UNKL: variants seen among roughly 807,000 people sequenced by gnomAD.
The protein encoded by UNKL is unk like zinc finger, also known as putative E3 ubiquitin-protein ligase UNKL.
A neutral mutation model predicts 78.0 loss-of-function variants in UNKL; 60 were observed. The ratio of observed to expected loss-of-function variants is 0.77; its 90% CI spans 0.63 to 0.95. UNKL has a LOEUF of 0.95. Ranked by LOEUF, UNKL falls within the 40% of genes least tolerant of loss-of-function variation. The pLI, the probability that UNKL is intolerant of heterozygous loss-of-function variation, is 0.00. For missense variants in UNKL, 1,159 were observed against 1,045.7 expected (o/e 1.11, Z -1.49); for synonymous variants, 608 against 474.8 (o/e 1.28, Z -3.65).
intron 2 of UNKL, among the ~76,000 whole-genome samples, chr16:1,408,137 G>C (rs370061682): frequency 4.0e-4 from 61 of 152,328 alleles, no homozygotes; most frequent in African/African-American, 1.4e-3. Context: ...GGACCCTGGA[G>C]AGGCCCGGGG....
chr16:1,376,678 G>C (rs981540029), intron 10 of UNKL, among the ~76,000 whole-genome samples: 1 of 140,808 alleles, frequency 7.1e-6, no homozygotes, highest in Admixed American at 7.5e-5. Flanking sequence ...AGCACCCTGC[G>C]ATCTGTAGCA....
intron 9 of UNKL, among the ~76,000 whole-genome samples, chr16:1,386,052 G>T (rs745855354): frequency 6.6e-6 from 1 of 152,218 alleles, no homozygotes; most frequent in East Asian, 1.9e-4. Context: ...GAAAACACCC[G>T]ACACAAAAGA....
In UNKL at chr16:1,399,546, C is replaced by A; in HGVS notation, c.599-37G>T. The A allele has an allele frequency of 6.4e-7, 1 of 1,567,432 alleles. No homozygotes were observed. Among genetic ancestry groups the A allele is most frequent in the Non-Finnish European group, 8.6e-7 (1 of 1,158,904 alleles). On this transcript the variant is annotated intron_variant, in intron 4 of 14. Coordinates refer to ENST00000389221, the MANE Select transcript of UNKL (RefSeq NM_001372107.1). This position sits in a 1 kb window ranked among gnomAD's most constrained non-coding sequence, Gnocchi z 5.8. ...GCCACACGGTGCCTGAGCAGCGCGA[C>A]TGGAAGCAATGCTGGGCAGAGGAGA...
rs2035420976 is a variant in UNKL, at chr16:1,367,722, C to T, written c.1722G>A (p.Arg574=). The T allele has an allele frequency of 6.3e-7, 1 of 1,580,484 alleles. No individual in the cohort carries two copies. ...SPNGAELARV[R]RQLDEAKRKI... is the part of the protein sequence containing the mutation. ...TCCTCTTGGCCTCGTCCAGCTGCCG[C>T]CTGACCCGGGCCAGCTCAGCTCCGT... Residue 574 remains arginine (R), a synonymous_variant, in exon 13 of 15, where the codon AGG becomes AGA. Coordinates refer to ENST00000389221, the MANE Select transcript of UNKL (RefSeq NM_001372107.1).
At chr16:1,380,486 G>A (rs1015462400) in intron 10 of UNKL, among the ~76,000 whole-genome samples, 2 of 152,156 alleles carry the variant, frequency 1.3e-5, no homozygotes, top group African/African-American at 2.4e-5. Context: ...TGTGGCTAGT[G>A]CAGGGATGTA....
intron 10 of UNKL, among the ~76,000 whole-genome samples, chr16:1,372,208 G>A (rs976830982): frequency 6.6e-6 from 1 of 152,108 alleles, no homozygotes; most frequent in Non-Finnish European, 1.5e-5. Context: ...AGCTTGCAGT[G>A]AGCCGAGATC....
At chr16:1,367,631 C>T in intron 13 of UNKL, 25 bp downstream of exon 13, 1 of 1,545,636 alleles carries the variant, frequency 6.5e-7, no homozygotes. Flanking sequence ...TCCCCCTCAC[C>T]TGTCTGGCCC....
chr16:1,396,781 A>G (rs2103664), intron 6 of UNKL, among the ~76,000 whole-genome samples: 136,918 of 151,934 alleles, frequency 0.9, 61,736 homozygotes, highest in East Asian at 1. Flanking sequence ...TTTTAGTAGA[A>G]ACGGGGTTTT....
chr16:1,414,357 G>A (rs1406689165), intron 1 of UNKL, among the ~76,000 whole-genome samples: 1 of 152,122 alleles, frequency 6.6e-6, no homozygotes, highest in Non-Finnish European at 1.5e-5. Flanking sequence ...CCGAGCCCAG[G>A]CGCAACCCCC....
intron 6 of UNKL, chr16:1,395,551 C>A (rs975339237): frequency 2.5e-6 from 1 of 395,954 alleles, no homozygotes; most frequent in African/African-American, 2.1e-5. Context: ...CCGTCCATAC[C>A]CTGCACCTTC....
At chr16:1,393,033 G>A (rs2037112296) in intron 7 of UNKL, 57 bp from the exon 8 acceptor site, 14 of 1,511,794 alleles carry the variant, frequency 9.3e-6, no homozygotes, top group Non-Finnish European at 1.3e-5. Context: ...ACAGTGACAC[G>A]CAGAAGTCTC....
intron 4 of UNKL, among the ~76,000 whole-genome samples, chr16:1,400,007 A>G (rs536954897): frequency 6.6e-6 from 1 of 152,306 alleles, no homozygotes; most frequent in Non-Finnish European, 1.5e-5. Context: ...CGTACCTCGC[A>G]GTGCAGGAGG....
intron 9 of UNKL, among the ~76,000 whole-genome samples, chr16:1,389,023 G>A (rs770350179): frequency 2.0e-5 from 3 of 152,182 alleles, no homozygotes; most frequent in Admixed American, 6.5e-5. Flanking sequence ...TCTTCCAGCC[G>A]GAAGCTCTGA....
intron 10 of UNKL, 80 bp from the exon 11 acceptor site, chr16:1,371,691 C>T: frequency 7.0e-7 from 1 of 1,421,622 alleles, no homozygotes; most frequent in Non-Finnish European, 9.5e-7. Context: ...GGACGACCGT[C>T]CCACCTGGGC....
Position 1,397,268 on chromosome 16 carries a change from G to T in UNKL, c.762C>A (p.His254Gln). 1 of 813,984 alleles carries T rather than the reference G, an allele frequency of 1.2e-6. No homozygotes were observed. The highest frequency in any genetic ancestry group is 1.7e-6 in the Non-Finnish European group (1 of 605,428). 50.4% of individuals were successfully genotyped at this position (813,984 alleles called of 1,614,324 possible). ...GTGAGGGTTCCCCCCACTCATCCCC[G>T]TGCTTCACACTGGGGCAGGGCGTGG... ...YRSTPCPSVK[H>Q]GDEWGEPSRC... Residue 254 changes from histidine to glutamine, a missense_variant, in exon 6 of 15, where the codon CAC becomes CAA. Physicochemically the swap from His to Gln is conservative, Grantham distance 24 (BLOSUM62 0). Coordinates refer to ENST00000389221, the MANE Select transcript of UNKL (RefSeq NM_001372107.1).
At position 1,370,331 on chromosome 16, in the gene UNKL, G is replaced by T. The variant is rs1022544266; in HGVS notation, c.1384C>A (p.Pro462Thr). 2 of 1,532,874 alleles carry T rather than the reference G, an allele frequency of 1.3e-6. No homozygotes were observed. The highest frequency in any genetic ancestry group is 2.7e-5 in the African/African-American group (2 of 72,918). The allele number at this position is 1,532,874 out of a possible 1,614,324, so 95.0% of individuals were successfully genotyped here. A position where few individuals can be genotyped will look rare whatever the true frequency, so the allele number is the denominator to read the frequency against. ...GGCAGGGAGCCGGGGATGGCGACAG[G>T]TGCAGAGCCGGCCAGCGACCTGGGA... ...AGPRSLAGSA[P>T]VAIPGSLPRA... The change falls in exon 12 of 15, where the codon CCT (proline) becomes ACT (threonine). Residue 462 changes from proline (P) to threonine (T), a missense_variant. Physicochemically the swap from Pro to Thr is conservative, Grantham distance 38. Transcript: ENST00000389221.
Position 1,374,891 on chromosome 16 carries a change from C to T in UNKL, c.1265-3280G>A, listed in dbSNP as rs2036097891. ...CCTTTCCAGACATTTTCAGCATAAT[C>T]AGCAGGAAAGGCAGGAGGGTGACTT... On this transcript the variant is annotated intron_variant, in intron 10 of 14. Coordinates refer to ENST00000389221, the MANE Select transcript of UNKL (RefSeq NM_001372107.1). Among the ~76,000 whole-genome samples, 4 of 152,250 alleles carry T rather than the reference C, an allele frequency of 2.6e-5. No homozygotes were observed. The South Asian group carries it at 8.3e-4, about 31-fold the overall frequency.
intron 9 of UNKL, among the ~76,000 whole-genome samples, chr16:1,389,767 T>G (rs529556775): frequency 2.0e-5 from 3 of 152,294 alleles, no homozygotes; most frequent in Non-Finnish European, 4.4e-5. Flanking sequence ...CAGCTCAAGC[T>G]CGGACTCAGC....
At chr16:1,398,450 A>G (rs2037370960) in intron 5 of UNKL, 1 of 1,127,464 alleles carries the variant, frequency 8.9e-7, no homozygotes, top group Non-Finnish European at 1.1e-6. Context: ...ACAGCCGTTC[A>G]GGTCCTTTAC....
Sources: gnomAD v4.1 joint callset for allele counts (sites outside exome capture counted in the v4.1 genomes callset) on GRCh38, gnomAD v4.1.1 for gene constraint, Gnocchi (gnomAD v3.1) non-coding constraint, MANE v1.5 for transcripts, NCBI Gene and HGNC (gene_info 2026-07-23, HGNC 2026-07-21) for gene names.